Variants in ARSG observed in about 807,000 individuals in gnomAD.
ARSG encodes ASG.
ARSG carries 37 observed loss-of-function variants against 50.5 expected under a neutral mutation model. The observed-to-expected ratio is 0.73, with a 90% CI of 0.56 to 0.96. ARSG has a LOEUF of 0.96. Ranked by LOEUF, ARSG falls within the 50% of genes least tolerant of loss-of-function variation. The pLI is 0.00. For missense variants in ARSG, 629 were observed against 675.3 expected, an observed-to-expected ratio of 0.93 and a Z score of 0.76; for synonymous variants, 225 against 254.6, an observed-to-expected ratio of 0.88 and a Z score of 1.11.
chr17:68,350,153 G>T (rs2078692646), intron 4 of ARSG, among the ~76,000 whole-genome samples: 1 of 152,152 alleles, frequency 6.6e-6, no homozygotes, highest in Non-Finnish European at 1.5e-5. Flanking sequence ...ACCTGTGAGA[G>T]ACACAGAGCA....
chr17:68,293,530 C>T (rs1488082723), intron 1 of ARSG, among the ~76,000 whole-genome samples: 1 of 151,542 alleles, frequency 6.6e-6, no homozygotes, highest in East Asian at 1.9e-4. Context: ...ATTTTTGTTA[C>T]TAATGTGTTA....
intron 1 of ARSG, among the ~76,000 whole-genome samples, chr17:68,261,491 C>T (rs1359900161): frequency 3.3e-5 from 5 of 152,094 alleles, no homozygotes; most frequent in African/African-American, 7.2e-5. Flanking sequence ...GTGGTCCTCC[C>T]GCCTCAGCTT....
chr17:68,381,309 T>C lies in ARSG; in HGVS notation c.983-3755T>C, dbSNP rs1023315865. ...TTCATGAATCATGGTTTTGTTGATA[T>C]TTTGGTTGCTGTGGCTAAATATTTA... On this transcript the variant is annotated intron_variant, in intron 8 of 11. Coordinates refer to ENST00000621439, the MANE Select transcript of ARSG (RefSeq NM_001267727.2). The surrounding 1 kb of genome is among the most constrained non-coding windows in gnomAD (Gnocchi z 4.1). Among the ~76,000 whole-genome samples, 3 of 152,336 alleles carry C rather than the reference T, an allele frequency of 2.0e-5. No individual in the cohort carries two copies. The highest frequency in any genetic ancestry group is 7.2e-5 in the African/African-American group (3 of 41,584).
intron 2 of ARSG, among the ~76,000 whole-genome samples, chr17:68,326,199 C>T (rs569058958): frequency 2.0e-5 from 3 of 152,284 alleles, no homozygotes; most frequent in South Asian, 2.1e-4. Context: ...GGGACAAACT[C>T]GAACAGTGCT....
At chr17:68,382,511 T>G (rs184025562) in intron 8 of ARSG, among the ~76,000 whole-genome samples, 1 of 152,254 alleles carries the variant, frequency 6.6e-6, no homozygotes, top group East Asian at 1.9e-4. Context: ...TGGGAGCAGG[T>G]ATTACTGAAG....
At chr17:68,274,123 C>G in intron 1 of ARSG, 1 of 1,584,714 alleles carries the variant, frequency 6.3e-7, no homozygotes, top group Non-Finnish European at 8.6e-7. Flanking sequence ...TCAGGGTTAG[C>G]TGCCATAAGA....
intron 8 of ARSG, among the ~76,000 whole-genome samples, chr17:68,382,082 C>G (rs1168760685): frequency 6.6e-6 from 1 of 151,948 alleles, no homozygotes; most frequent in Admixed American, 6.6e-5. Context: ...TCCTGAGTAG[C>G]TGGGATTACA....
At chr17:68,276,654 A>G (rs143817461) in intron 1 of ARSG, among the ~76,000 whole-genome samples, 2 of 151,630 alleles carry the variant, frequency 1.3e-5, no homozygotes, top group South Asian at 2.1e-4. Flanking sequence ...GAGTCTTGCT[A>G]TGTTGCCCAG....
At chr17:68,274,006 T>C (rs2075428194) in intron 1 of ARSG, 2 of 1,614,128 alleles carry the variant, frequency 1.2e-6, no homozygotes, top group Non-Finnish European at 1.7e-6. Flanking sequence ...TGCTGACAAG[T>C]AGCCCCCCCA....
chr17:68,290,198 A>G (rs2075939056), upstream of ARSG, among the ~76,000 whole-genome samples: 1 of 152,188 alleles, frequency 6.6e-6, no homozygotes, highest in Admixed American at 6.5e-5. Flanking sequence ...TTCCAGGTTG[A>G]CAAGTTGTAA....
the ARSG span, among the ~76,000 whole-genome samples, chr17:68,442,969 C>T: frequency 6.6e-6 from 1 of 152,242 alleles, no homozygotes; most frequent in Non-Finnish European, 1.5e-5. Flanking sequence ...TTCAGCCTCT[C>T]ATTTCTAAGG....
chr17:68,317,583 G>A (rs751556377), intron 2 of ARSG, among the ~76,000 whole-genome samples: 3 of 151,796 alleles, frequency 2.0e-5, no homozygotes, highest in African/African-American at 4.8e-5. Context: ...TGTATGCACC[G>A]CAAGGCCCCA....
At chr17:68,396,342 C>T (rs1055277759) in intron 10 of ARSG, among the ~76,000 whole-genome samples, 1 of 152,118 alleles carries the variant, frequency 6.6e-6, no homozygotes, top group African/African-American at 2.4e-5. Flanking sequence ...ACCAAGCAGA[C>T]CTTGGCAATG....
intron 2 of ARSG, among the ~76,000 whole-genome samples, chr17:68,324,166 C>T (rs1212126179): frequency 1.3e-5 from 2 of 151,726 alleles, no homozygotes; most frequent in Admixed American, 6.6e-5. Context: ...TTTGAATTCT[C>T]TTAGCATTAA....
At position 68,401,442 on chromosome 17, in the gene ARSG, A is replaced by G. The variant is rs771709046; in HGVS notation, c.1295A>G (p.Tyr432Cys). The G allele has an allele frequency of 2.5e-6, 4 of 1,613,864 alleles. No individual in the cohort carries two copies. The highest frequency in any genetic ancestry group is 2.2e-5 in the East Asian group (1 of 44,862). Residue 432 changes from tyrosine to cysteine, a missense_variant, in exon 11 of 12, where the codon TAC becomes TGC. Coordinates refer to ENST00000621439, the MANE Select transcript of ARSG (RefSeq NM_001267727.2). ...TVRLERYKAF[Y>C]ITGGARACDG... is the part of the protein sequence containing the mutation. ...CGCCTGGAGCGTTACAAGGCCTTCT[A>G]CATTACCGGTGAGTGAGGGGCCACT...
chr17:68,283,492 GCCTGGGCGACA>G (rs1599553050), intron 1 of ARSG, among the ~76,000 whole-genome samples: 2 of 148,756 alleles, frequency 1.3e-5, no homozygotes, highest in Non-Finnish European at 3.0e-5. Context: ...CTGCACTCCA[GCCTGGGCGACA>G]GAGTGAGACT....
chr17:68,430,044 G>A, the ARSG span: 20 of 1,614,132 alleles, frequency 1.2e-5, no homozygotes, highest in African/African-American at 2.3e-4. Flanking sequence ...CAAGCGTGCA[G>A]TGGCAAAAGC....
the ARSG span, chr17:68,450,826 TTG>T: frequency 6.2e-7 from 1 of 1,614,190 alleles, no homozygotes; most frequent in Non-Finnish European, 8.5e-7. Flanking sequence ...TGCCGTGGTT[TTG>T]TGTGACTGAC....
the ARSG span, among the ~76,000 whole-genome samples, chr17:68,429,468 T>C: frequency 5.9e-5 from 9 of 152,334 alleles, no homozygotes; most frequent in East Asian, 1.7e-3. Context: ...TTTAAGACAG[T>C]GTCATTATAA....
Sources: allele counts gnomAD v4.1 joint callset (sites outside exome capture counted in the v4.1 genomes callset), GRCh38; gene constraint gnomAD v4.1.1; non-coding constraint Gnocchi (gnomAD v3.1); transcripts MANE v1.5; gene names NCBI Gene and HGNC (gene_info 2026-07-23, HGNC 2026-07-21).